Variants in FAM81A observed in about 807,000 individuals in gnomAD.
FAM81A encodes the protein protein FAM81A.
In FAM81A, 19 loss-of-function variants were observed where a neutral mutation model predicts 46.7. The observed-to-expected ratio is 0.41, with a 90% CI of 0.28 to 0.60. FAM81A has a LOEUF of 0.60. FAM81A is among the 20% of genes least tolerant of loss of function. The pLI is 0.34. For missense variants in FAM81A, 377 were observed against 453.5 expected (o/e 0.83, Z 1.53); for synonymous variants, 183 against 152.9 (o/e 1.20, Z -1.45).
At chr15:59,468,386 G>A (rs1476710683) in intron 3 of FAM81A, among the ~76,000 whole-genome samples, 1 of 152,014 alleles carries the variant, frequency 6.6e-6, no homozygotes, top group Non-Finnish European at 1.5e-5. Context: ...CAATTTTAGA[G>A]CCTGTTACTG....
Position 59,515,065 on chromosome 15 carries a change from T to G in FAM81A, c.786+641T>G, listed in dbSNP as rs572997152. Among the ~76,000 whole-genome samples the G allele has an allele frequency of 2.6e-5, 4 of 152,060 alleles. No homozygotes were observed. The South Asian group carries it at 8.3e-4, about 32-fold the overall frequency. On this transcript the variant is annotated intron_variant, in intron 7 of 8. Transcript: ENST00000288228. ...TTCGAGACCAGCCTGGGAAACATGGTGAAACCCCATCTCTACAAAAAACAC... is the reference window on the plus strand; with the variant it reads ...TTCGAGACCAGCCTGGGAAACATGGGGAAACCCCATCTCTACAAAAAACAC...
intron 1 of FAM81A, among the ~76,000 whole-genome samples, chr15:59,458,175 A>C (rs1408583945): frequency 2.0e-5 from 3 of 152,234 alleles, no homozygotes; most frequent in Non-Finnish European, 4.4e-5. Context: ...GTTTCCTGCA[A>C]AATTCTACAG....
intron 6 of FAM81A, among the ~76,000 whole-genome samples, chr15:59,509,361 A>C (rs936167327): frequency 6.6e-6 from 1 of 152,202 alleles, no homozygotes; most frequent in Non-Finnish European, 1.5e-5. Context: ...GGTTCGGTTC[A>C]TGGTTGTGTA....
chr15:59,404,938 A>G (rs564381569), intron 2 of FAM81A, among the ~76,000 whole-genome samples: 1 of 152,124 alleles, frequency 6.6e-6, no homozygotes, highest in African/African-American at 2.4e-5. Flanking sequence ...CCCTGCTTCC[A>G]TCTCACTCTG....
intron 3 of FAM81A, among the ~76,000 whole-genome samples, chr15:59,472,991 A>C (rs961283601): frequency 2.0e-5 from 3 of 152,196 alleles, no homozygotes; most frequent in Non-Finnish European, 4.4e-5. Context: ...ACAACTGTAC[A>C]AAATTGAAGA....
In FAM81A at chr15:59,459,960, C is replaced by A. The variant is rs1170822178; in HGVS notation, c.48C>A (p.Ser16Arg). ...LRRVRTMPRH[S>R]QSLTMAPYSS... Reference sequence around the variant, plus strand: ...GAGTGAGAACCATGCCCCGACACAGCCAGTCCCTGACCATGGCACCATACT... The same window carrying A: ...GAGTGAGAACCATGCCCCGACACAGACAGTCCCTGACCATGGCACCATACT... The change falls in exon 3 of 9, where the codon AGC (serine) becomes AGA (arginine). Residue 16 changes from serine (S) to arginine (R), a missense_variant. Coordinates refer to ENST00000288228, the MANE Select transcript of FAM81A (RefSeq NM_152450.3). 1 of 1,609,032 alleles carries A rather than the reference C, an allele frequency of 6.2e-7. No individual in the cohort carries two copies. The highest frequency in any genetic ancestry group is 8.5e-7 in the Non-Finnish European group (1 of 1,177,338).
intron 6 of FAM81A, among the ~76,000 whole-genome samples, chr15:59,509,301 C>T (rs1489551173): frequency 3.3e-5 from 5 of 152,160 alleles, no homozygotes; most frequent in African/African-American, 4.8e-5. Context: ...TAATCAATGA[C>T]ATAAATGAGC....
At chr15:59,402,010 C>A (rs867457971) in intron 1 of FAM81A, 2 of 621,158 alleles carry the variant, frequency 3.2e-6, no homozygotes, top group Admixed American at 5.4e-5. Context: ...GGCATGTTGA[C>A]GCCGCAGAGC....
chr15:59,468,541 G>A (rs1448620148), intron 3 of FAM81A, among the ~76,000 whole-genome samples: 2 of 151,872 alleles, frequency 1.3e-5, no homozygotes, highest in East Asian at 1.9e-4. Context: ...ATTTCTGTGC[G>A]ATCAGTGGTG....
chr15:59,494,768 A>C (rs2082016720), intron 4 of FAM81A, among the ~76,000 whole-genome samples: 1 of 152,172 alleles, frequency 6.6e-6, no homozygotes, highest in South Asian at 2.1e-4. Context: ...TGAACATTTT[A>C]AGTGGTATTC....
At chr15:59,453,334 A>G (rs1412364243) in intron 1 of FAM81A, among the ~76,000 whole-genome samples, 2 of 152,164 alleles carry the variant, frequency 1.3e-5, no homozygotes, top group Admixed American at 1.3e-4. Context: ...CTCTGGTTCA[A>G]TGTTGATAAT....
Position 59,523,205 on chromosome 15 carries a change from T to A in FAM81A, c.*1827T>A, listed in dbSNP as rs1462316070. 6.6e-6 allele frequency: 1 copy of A among 152,240 alleles called. No homozygotes were observed. Among genetic ancestry groups the A allele is most frequent in the African/African-American group, 2.4e-5 (1 of 41,456 alleles). The allele number at this position is 152,240 out of a possible 1,614,324, so 9.4% of individuals were successfully genotyped here. On this transcript the variant is annotated 3_prime_UTR_variant, in exon 9 of 9. Coordinates refer to ENST00000288228, the MANE Select transcript of FAM81A (RefSeq NM_152450.3). The stretch of plus-strand genomic sequence containing the variant: ...AAGGAGTGATGTAAGCAGGTGACAC[T>A]TGGCTGTCAGCTGAGCTTCTCAGGT...
Position 59,460,380 on chromosome 15 carries a change from T to A in FAM81A, c.294+174T>A. The A allele has an allele frequency of 2.4e-6, 2 of 845,302 alleles. No homozygotes were observed. The highest frequency in any genetic ancestry group is 4.0e-6 in the Non-Finnish European group (2 of 505,500). 52.4% of individuals were successfully genotyped at this position (845,302 alleles called of 1,614,324 possible). ...GAGACAGCTTGCAGAAATATCCTAATTAAATTTATTCCAGTGTTTGATAAC... is the reference window on the plus strand; with the variant it reads ...GAGACAGCTTGCAGAAATATCCTAAATAAATTTATTCCAGTGTTTGATAAC... On this transcript the variant is annotated intron_variant, in intron 3 of 8. Transcript: ENST00000288228. This position sits in a 1 kb window ranked among gnomAD's most constrained non-coding sequence, Gnocchi z 4.4.
chr15:59,461,417 C>G (rs1405425844), intron 3 of FAM81A, among the ~76,000 whole-genome samples: 1 of 152,174 alleles, frequency 6.6e-6, no homozygotes, highest in Non-Finnish European at 1.5e-5. Flanking sequence ...TCCCAAGTAG[C>G]TGGGACTACA....
intron 8 of FAM81A, among the ~76,000 whole-genome samples, chr15:59,520,786 A>T: frequency 6.6e-6 from 1 of 151,632 alleles, no homozygotes; most frequent in Admixed American, 6.6e-5. Context: ...GCTGGCTCGA[A>T]CTCCTGACCT....
chr15:59,401,820 T>C (rs1259114083), intron 1 of FAM81A: 1 of 740,336 alleles, frequency 1.4e-6, no homozygotes, highest in African/African-American at 1.8e-5. Flanking sequence ...GATAGTCTTT[T>C]TTATTTGTAT....
At chr15:59,504,212 A>G (rs552910377) in intron 4 of FAM81A, among the ~76,000 whole-genome samples, 1 of 152,316 alleles carries the variant, frequency 6.6e-6, no homozygotes, top group African/African-American at 2.4e-5. Context: ...AAAATTATGA[A>G]CTCAAAATAA....
At chr15:59,495,714 T>C (rs1450720122) in intron 4 of FAM81A, among the ~76,000 whole-genome samples, 1 of 152,130 alleles carries the variant, frequency 6.6e-6, no homozygotes, top group Non-Finnish European at 1.5e-5. Flanking sequence ...GCCATCCCAG[T>C]GGGTTTGAAG....
At chr15:59,480,595 T>G (rs1329620391) in intron 3 of FAM81A, among the ~76,000 whole-genome samples, 1 of 152,152 alleles carries the variant, frequency 6.6e-6, no homozygotes, top group African/African-American at 2.4e-5. Context: ...GTTTATTGTG[T>G]GCACCTGGAC....
Sources: allele counts gnomAD v4.1 joint callset (sites outside exome capture counted in the v4.1 genomes callset), GRCh38; gene constraint gnomAD v4.1.1; non-coding constraint Gnocchi (gnomAD v3.1); transcripts MANE v1.5; gene names NCBI Gene and HGNC (gene_info 2026-07-23, HGNC 2026-07-21).